Variants in IPCEF1 observed in about 807,000 individuals in gnomAD.
IPCEF1 encodes the protein interactor protein for cytohesin exchange factors 1.
IPCEF1 carries 31 observed loss-of-function variants against 50.9 expected under a neutral mutation model. The ratio of observed to expected loss-of-function variants is 0.61; its 90% CI spans 0.46 to 0.82. IPCEF1 has a LOEUF of 0.82. IPCEF1 is among the 40% of genes least tolerant of loss of function. The pLI, the probability that IPCEF1 is intolerant of heterozygous loss-of-function variation, is 0.00. For synonymous variants in IPCEF1, 181 were observed against 192.0 expected (o/e 0.94, Z 0.47); for missense variants, 458 against 514.0 (o/e 0.89, Z 1.05).
At chr6:154,180,414 A>ATATATATATT (rs1241250621) in intron 10 of IPCEF1, among the ~76,000 whole-genome samples, 18 of 65,256 alleles carry the variant, frequency 2.8e-4, no homozygotes, top group South Asian at 1.6e-3. Context: ...ATATATATAT[A>ATATATATATT]TTTTTTTTTT....
intron 5 of IPCEF1, among the ~76,000 whole-genome samples, chr6:154,246,041 G>A (rs1781010617): frequency 6.6e-6 from 1 of 152,140 alleles, no homozygotes; most frequent in South Asian, 2.1e-4. Context: ...GGGGACAAGA[G>A]GTGACAGTCG....
chr6:154,312,415 C>T lies in IPCEF1; in HGVS notation c.-61-22659G>A, dbSNP rs574708590. Among the ~76,000 whole-genome samples the T allele has an allele frequency of 7.9e-5, 12 of 152,100 alleles. No individual in the cohort carries two copies. In the South Asian group the frequency reaches 1.0e-3, roughly 13 times the overall value. On this transcript the variant is annotated intron_variant, in intron 1 of 11. Coordinates refer to ENST00000367220, the MANE Select transcript of IPCEF1 (RefSeq NM_001130700.2). Reference sequence around the variant, plus strand: ...GGGCTGGAGTGCAGTGTCACGATCTCGGCTCACTGTAACCTCCACCTCCTG... The same window carrying T: ...GGGCTGGAGTGCAGTGTCACGATCTTGGCTCACTGTAACCTCCACCTCCTG...
At chr6:154,285,085 CATTAAGT>C (rs1156666347) in intron 2 of IPCEF1, among the ~76,000 whole-genome samples, 2 of 152,186 alleles carry the variant, frequency 1.3e-5, no homozygotes, top group African/African-American at 4.8e-5. Flanking sequence ...TCCTGTGCCT[CATTAAGT>C]ATTAACAAAA....
intron 5 of IPCEF1, among the ~76,000 whole-genome samples, chr6:154,239,480 A>G (rs1022903125): frequency 3.3e-5 from 5 of 152,248 alleles, no homozygotes; most frequent in African/African-American, 1.2e-4. Flanking sequence ...TCTAACATTT[A>G]GGTTTCCAAA....
At chr6:154,306,027 G>A (rs571905877) in intron 1 of IPCEF1, among the ~76,000 whole-genome samples, 12 of 152,122 alleles carry the variant, frequency 7.9e-5, no homozygotes, top group African/African-American at 2.4e-4. Context: ...CCTTGCGATC[G>A]TGTGAGTCAA....
At chr6:154,232,426 T>C (rs1779795516) in intron 5 of IPCEF1, among the ~76,000 whole-genome samples, 1 of 152,174 alleles carries the variant, frequency 6.6e-6, no homozygotes, top group Admixed American at 6.5e-5. Flanking sequence ...AGTACTATGA[T>C]CACAGCCTTA....
intron 1 of IPCEF1, among the ~76,000 whole-genome samples, chr6:154,328,130 T>C (rs1245868659): frequency 4.6e-5 from 7 of 152,118 alleles, no homozygotes; most frequent in Non-Finnish European, 7.4e-5. Context: ...TGAATACTTA[T>C]GTGATGGGTT....
At chr6:154,264,949 C>T (rs892886002) in intron 3 of IPCEF1, among the ~76,000 whole-genome samples, 9 of 152,180 alleles carry the variant, frequency 5.9e-5, no homozygotes, top group African/African-American at 1.9e-4. Context: ...CCACAGTCTA[C>T]ATTCCAGATT....
At chr6:154,247,406 C>A (rs567401827) in intron 4 of IPCEF1, 43 bp downstream of exon 4, 20 of 1,544,536 alleles carry the variant, frequency 1.3e-5, no homozygotes, top group Non-Finnish European at 1.7e-5. Flanking sequence ...CCACACTCAA[C>A]GTACACAAAA....
At chr6:154,254,786 G>C (rs760772788) in intron 3 of IPCEF1, among the ~76,000 whole-genome samples, 1 of 151,902 alleles carries the variant, frequency 6.6e-6, no homozygotes, top group Non-Finnish European at 1.5e-5. Context: ...ACTACATTTT[G>C]ATTTTTTTTA....
In IPCEF1 at chr6:154,180,414, ATT is replaced by A. The variant is rs761333730; in HGVS notation, c.911-12303_911-12302del. ...TATATATATATATATATATATATAT[ATT>A]TTTTTTTTAAACATGATCCTTCTTG... On this transcript the variant is annotated intron_variant, in intron 10 of 11. Transcript: ENST00000367220. Among the ~76,000 whole-genome samples, 238 of 65,220 alleles carry A rather than the reference ATT, an allele frequency of 3.6e-3. 3 individuals carry two copies. The highest frequency in any genetic ancestry group is 6.2e-3 in the Non-Finnish European group (170 of 27,562). The allele number at this position is 65,220 out of a possible 152,430, so 42.8% of individuals were successfully genotyped here.
intron 9 of IPCEF1, among the ~76,000 whole-genome samples, chr6:154,201,684 GA>G (rs1338514264): frequency 6.6e-6 from 1 of 151,998 alleles, no homozygotes; most frequent in Non-Finnish European, 1.5e-5. Flanking sequence ...CTCTTGAGGT[GA>G]GGAGTTCAAG....
At chr6:154,269,436 T>C (rs1357268508) in intron 2 of IPCEF1, among the ~76,000 whole-genome samples, 1 of 152,194 alleles carries the variant, frequency 6.6e-6, no homozygotes. Context: ...GAGTGTTTCA[T>C]TAATAATCTT....
At chr6:154,339,956 G>A (rs1353207063) in intron 1 of IPCEF1, among the ~76,000 whole-genome samples, 1 of 152,042 alleles carries the variant, frequency 6.6e-6, no homozygotes, top group Non-Finnish European at 1.5e-5. Flanking sequence ...ATGGGAGTGG[G>A]GGAAACCTGC....
At chr6:154,344,219 C>T (rs1047953852) in intron 1 of IPCEF1, among the ~76,000 whole-genome samples, 1 of 152,148 alleles carries the variant, frequency 6.6e-6, no homozygotes, top group African/African-American at 2.4e-5. Flanking sequence ...CCTATTAAAT[C>T]ATCTGCTCCT....
intron 5 of IPCEF1, among the ~76,000 whole-genome samples, chr6:154,231,772 T>A (rs901425318): frequency 6.6e-6 from 1 of 152,172 alleles, no homozygotes; most frequent in Non-Finnish European, 1.5e-5. Flanking sequence ...CGAAGGAGAC[T>A]GACTTGGTTG....
chr6:154,163,348 A>T (rs1002111736), intron 11 of IPCEF1, among the ~76,000 whole-genome samples: 3 of 152,228 alleles, frequency 2.0e-5, no homozygotes, highest in Non-Finnish European at 4.4e-5. Context: ...ATTCGGCCTC[A>T]GAGAACCTCA....
chr6:154,198,470 T>C (rs1440140583), intron 10 of IPCEF1, among the ~76,000 whole-genome samples: 1 of 152,120 alleles, frequency 6.6e-6, no homozygotes, highest in Non-Finnish European at 1.5e-5. Context: ...ATAGTTGGCC[T>C]AAATAAAGGG....
chr6:154,253,047 T>C (rs1246450503), intron 3 of IPCEF1, among the ~76,000 whole-genome samples: 1 of 152,242 alleles, frequency 6.6e-6, no homozygotes, highest in Non-Finnish European at 1.5e-5. Flanking sequence ...CATCCATTTC[T>C]TTCTGCCTTT....
Sources: allele counts gnomAD v4.1 joint callset (sites outside exome capture counted in the v4.1 genomes callset), GRCh38; gene constraint gnomAD v4.1.1; transcripts MANE v1.5; gene names NCBI Gene and HGNC (gene_info 2026-07-23, HGNC 2026-07-21).